Variants in KCNQ5 observed in about 807,000 individuals in gnomAD.
KCNQ5 encodes potassium voltage-gated channel subfamily Q member 5.
Under a neutral mutation model 98.2 loss-of-function variants are expected in KCNQ5, and 30 were observed. The observed-to-expected ratio is 0.31, with a 90% CI of 0.23 to 0.41. The LOEUF (loss-of-function observed/expected upper bound fraction) is 0.41, where lower values mean the gene tolerates loss of function less well. KCNQ5 is among the 10% of genes least tolerant of loss of function. KCNQ5 has a pLI of 1.00. For missense variants in KCNQ5, 835 were observed against 1,182.5 expected (o/e 0.71, Z 4.31); for synonymous variants, 458 against 449.4 (o/e 1.02, Z -0.24).
chr6:72,672,849 TA>T (rs1767202208), intron 1 of KCNQ5, among the ~76,000 whole-genome samples: 1 of 152,148 alleles, frequency 6.6e-6, no homozygotes, highest in Non-Finnish European at 1.5e-5. Context: ...AGAGTTAGCA[TA>T]AAAAATGATA....
chr6:72,789,684 A>G (rs138342300), intron 1 of KCNQ5, among the ~76,000 whole-genome samples: 6 of 152,210 alleles, frequency 3.9e-5, no homozygotes, highest in East Asian at 1.9e-4. Context: ...TAAATTTCAT[A>G]TATTTTAAAT....
chr6:73,108,291 T>TA (rs1483786990), intron 6 of KCNQ5, among the ~76,000 whole-genome samples: 3 of 152,192 alleles, frequency 2.0e-5, no homozygotes, highest in Non-Finnish European at 4.4e-5. Flanking sequence ...TTCTCCTTTT[T>TA]AGAGTGCTCC....
At chr6:73,017,420 A>G (rs1422067297) in intron 2 of KCNQ5, among the ~76,000 whole-genome samples, 1 of 151,770 alleles carries the variant, frequency 6.6e-6, no homozygotes, top group Non-Finnish European at 1.5e-5. Context: ...GTTACTACTG[A>G]TCATGCCCAT....
chr6:72,804,845 G>C (rs1292769121), intron 1 of KCNQ5, among the ~76,000 whole-genome samples: 2 of 152,010 alleles, frequency 1.3e-5, no homozygotes, highest in Non-Finnish European at 2.9e-5. Flanking sequence ...CTGTCTTTTG[G>C]ATAAAAGTGA....
chr6:72,718,651 A>G (rs951070604), intron 1 of KCNQ5, among the ~76,000 whole-genome samples: 1 of 151,730 alleles, frequency 6.6e-6, no homozygotes, highest in African/African-American at 2.4e-5. Flanking sequence ...GGGTTTCACC[A>G]TGTTGGCCAG....
At chr6:72,673,609 G>A (rs1420685976) in intron 1 of KCNQ5, among the ~76,000 whole-genome samples, 1 of 152,050 alleles carries the variant, frequency 6.6e-6, no homozygotes, top group Non-Finnish European at 1.5e-5. Flanking sequence ...CCCATGGGGA[G>A]GAGTGGAGGA....
At chr6:73,171,020 ATTAC>A (rs1201885814) in intron 11 of KCNQ5, among the ~76,000 whole-genome samples, 1 of 152,190 alleles carries the variant, frequency 6.6e-6, no homozygotes, top group African/African-American at 2.4e-5. Flanking sequence ...AGCATGATTG[ATTAC>A]TTACTTCTGT....
intron 1 of KCNQ5, among the ~76,000 whole-genome samples, chr6:72,939,989 T>C (rs772795844): frequency 2.6e-5 from 4 of 152,132 alleles, no homozygotes; most frequent in Admixed American, 6.6e-5. Flanking sequence ...TTCTCCATGG[T>C]GTCTTTCTCT....
chr6:72,841,226 G>T (rs915454330), intron 1 of KCNQ5, among the ~76,000 whole-genome samples: 1 of 152,022 alleles, frequency 6.6e-6, no homozygotes, highest in Non-Finnish European at 1.5e-5. Flanking sequence ...TATTAGTTTT[G>T]CATTACCACT....
intron 1 of KCNQ5, among the ~76,000 whole-genome samples, chr6:72,900,419 AAACTGTGGTATATATATGATATAT>A (rs1355631063): frequency 2.0e-5 from 3 of 147,716 alleles, no homozygotes; most frequent in African/African-American, 7.4e-5. Flanking sequence ...ATATATATAT[AAACTGTGGTATATATATGATATAT>A]ATATCATATA....
intron 1 of KCNQ5, among the ~76,000 whole-genome samples, chr6:72,951,308 G>C (rs1312508542): frequency 6.6e-6 from 1 of 152,014 alleles, no homozygotes; most frequent in East Asian, 1.9e-4. Flanking sequence ...ACGGAGTCTT[G>C]CTCTGTCGAC....
chr6:73,091,006 TAA>T lies in KCNQ5; in HGVS notation c.918+13121_918+13122del, dbSNP rs370044974. On this transcript the variant is annotated intron_variant, in intron 5 of 13. Transcript: ENST00000370398. ...CAAAGTATTATAAATCATTCTACTATAAAGACAAATGCACTTGTATGTTTATT... is the reference window on the plus strand; with the variant it reads ...CAAAGTATTATAAATCATTCTACTATAGACAAATGCACTTGTATGTTTATT... Among the ~76,000 whole-genome samples the T allele has an allele frequency of 3.7e-3, 566 of 152,278 alleles. 1 individual carries two copies. Among genetic ancestry groups the T allele is most frequent in the African/African-American group, 0.013 (531 of 41,546 alleles).
chr6:73,135,395 A>G (rs1457344164), intron 10 of KCNQ5: 1 of 147,590 alleles, frequency 6.8e-6, no homozygotes, highest in Non-Finnish European at 1.5e-5. Context: ...AAGGCAATAA[A>G]GGATTTTCTT....
At chr6:72,913,372 A>C (rs1780018001) in intron 1 of KCNQ5, among the ~76,000 whole-genome samples, 1 of 152,082 alleles carries the variant, frequency 6.6e-6, no homozygotes, top group South Asian at 2.1e-4. Flanking sequence ...AAGTGGCACC[A>C]TGTCAACGTA....
intron 1 of KCNQ5, among the ~76,000 whole-genome samples, chr6:72,788,857 T>C (rs181894968): frequency 1.2e-4 from 19 of 152,352 alleles, no homozygotes; most frequent in Admixed American, 1.2e-3. Context: ...TTATATTTTA[T>C]ATCCTTAGGA....
rs1020456418 is a variant in KCNQ5, at chr6:73,062,020, T to C, written c.617-15302T>C. On this transcript the variant is annotated intron_variant, in intron 3 of 13. Coordinates refer to ENST00000370398, the MANE Select transcript of KCNQ5 (RefSeq NM_019842.4). ...AGAGTCTGTGTATCTTAAATAAGAA[T>C]GCATTTTATTTTAAGAGGTAAATGG... Among the ~76,000 whole-genome samples, 7 of 152,304 alleles carry C rather than the reference T, an allele frequency of 4.6e-5. No homozygotes were observed. In the East Asian group the frequency reaches 1.3e-3, roughly 29 times the overall value.
chr6:72,770,431 A>G (rs941253041), intron 1 of KCNQ5, among the ~76,000 whole-genome samples: 4 of 152,172 alleles, frequency 2.6e-5, no homozygotes, highest in African/African-American at 9.6e-5. Flanking sequence ...TGACAAGAAT[A>G]AAATATAATG....
chr6:73,042,533 T>C (rs1771758908), intron 3 of KCNQ5, among the ~76,000 whole-genome samples: 1 of 152,212 alleles, frequency 6.6e-6, no homozygotes, highest in South Asian at 2.1e-4. Context: ...AGCCATACAT[T>C]GGTACTGGTA....
At chr6:72,771,618 T>A (rs1772887839) in intron 1 of KCNQ5, among the ~76,000 whole-genome samples, 1 of 151,696 alleles carries the variant, frequency 6.6e-6, no homozygotes, top group African/African-American at 2.4e-5. Flanking sequence ...AGATGATGGA[T>A]ATGTTAAGAC....
Sources: gnomAD v4.1 joint callset for allele counts (sites outside exome capture counted in the v4.1 genomes callset) on GRCh38, gnomAD v4.1.1 for gene constraint, MANE v1.5 for transcripts, NCBI Gene and HGNC (gene_info 2026-07-23, HGNC 2026-07-21) for gene names.